The following MORC1 variants were observed in gnomAD, a reference collection of about 807,000 sequenced individuals.
MORC1 encodes MORC family CW-type zinc finger protein 1.
A neutral mutation model predicts 134.9 loss-of-function variants in MORC1; 59 were observed. The observed-to-expected ratio is 0.44, with a 90% CI of 0.35 to 0.54. The LOEUF is 0.54. Among genes scored for constraint, MORC1 ranks in the 20% least tolerant of loss-of-function variants. The pLI, the probability that MORC1 is intolerant of heterozygous loss-of-function variation, is 0.00. For missense variants in MORC1, 947 were observed against 1,134.5 expected (o/e 0.83, Z 2.37); for synonymous variants, 395 against 391.7 (o/e 1.01, Z -0.10).
At chr3:109,057,546 G>A in intron 12 of MORC1, 60 bp from the exon 13 acceptor site, 1 of 1,409,684 alleles carries the variant, frequency 7.1e-7, no homozygotes, top group East Asian at 2.5e-5. Context: ...CACAGTTTAG[G>A]AAACTGCTAA....
Position 108,959,171 on chromosome 3 carries a change from T to A in MORC1, c.2800-51A>T, listed in dbSNP as rs768395791. Reference sequence around the variant, plus strand: ...CCAGGGAAAGAAGCTGCAGAGCTTATTCCTGTAATTTGGGCAGCCTCCTAA... The same window carrying A: ...CCAGGGAAAGAAGCTGCAGAGCTTAATCCTGTAATTTGGGCAGCCTCCTAA... On this transcript the variant is annotated intron_variant, in intron 27 of 27. Coordinates refer to ENST00000232603, the MANE Select transcript of MORC1 (RefSeq NM_014429.4). 1.5e-5 allele frequency: 22 copies of A among 1,479,136 alleles called. No individual in the cohort carries two copies. The Middle Eastern group carries it at 6.6e-4, about 44-fold the overall frequency. 91.6% of individuals were successfully genotyped at this position (1,479,136 alleles called of 1,614,324 possible).
At chr3:109,048,755 C>T (rs1478764804) in intron 14 of MORC1, among the ~76,000 whole-genome samples, 1 of 152,052 alleles carries the variant, frequency 6.6e-6, no homozygotes, top group Non-Finnish European at 1.5e-5. Context: ...TGCACCTATC[C>T]CTGGTATGTC....
At chr3:109,011,043 T>A (rs1340735634) in intron 17 of MORC1, among the ~76,000 whole-genome samples, 6 of 152,206 alleles carry the variant, frequency 3.9e-5, no homozygotes, top group Admixed American at 6.5e-5. Flanking sequence ...GGTCATATGA[T>A]AGGTATATCT....
intron 16 of MORC1, among the ~76,000 whole-genome samples, chr3:109,028,329 C>G (rs981134097): frequency 6.6e-6 from 1 of 152,110 alleles, no homozygotes; most frequent in Non-Finnish European, 1.5e-5. Flanking sequence ...TTTAATAACC[C>G]CAGGATCACT....
chr3:109,096,199 GAA>G (rs1271168837), intron 6 of MORC1, among the ~76,000 whole-genome samples: 1 of 152,116 alleles, frequency 6.6e-6, no homozygotes, highest in South Asian at 2.1e-4. Context: ...TATGATTACA[GAA>G]AAAAATTCAG....
chr3:109,064,288 T>C (rs1004394785), intron 9 of MORC1, among the ~76,000 whole-genome samples: 4 of 152,134 alleles, frequency 2.6e-5, no homozygotes, highest in African/African-American at 7.2e-5. Flanking sequence ...GTTATTTGAT[T>C]TTTCCCCCAT....
chr3:108,979,605 A>T lies in MORC1; in HGVS notation c.2387T>A (p.Val796Glu). Residue 796 changes from valine to glutamate, a missense_variant, in exon 24 of 28, where the codon GTG (valine) becomes GAG (glutamate). Coordinates refer to ENST00000232603, the MANE Select transcript of MORC1 (RefSeq NM_014429.4). Reference protein sequence around the residue: ...LSSGHIARVSVSGSCKVASSP... With the variant: ...LSSGHIARVSESGSCKVASSP... The stretch of plus-strand genomic sequence containing the variant: ...AGAAGCAACTTTACAACTGCCACTC[A>T]CAGAAACTCTGGCTATGTGTCCAGA... 1.9e-6 allele frequency: 3 copies of T among 1,614,190 alleles called. No individual in the cohort carries two copies. The highest frequency in any genetic ancestry group is 2.5e-6 in the Non-Finnish European group (3 of 1,180,012).
At chr3:108,977,565 G>A (rs569962592) in intron 24 of MORC1, among the ~76,000 whole-genome samples, 1 of 152,002 alleles carries the variant, frequency 6.6e-6, no homozygotes, top group Non-Finnish European at 1.5e-5. Flanking sequence ...AGTAATGTCC[G>A]AATAATTGAA....
intron 17 of MORC1, among the ~76,000 whole-genome samples, chr3:109,026,801 T>C (rs971315731): frequency 6.6e-6 from 1 of 152,256 alleles, no homozygotes; most frequent in East Asian, 1.9e-4. Flanking sequence ...TGGGGAGTGC[T>C]TAGGAGAATG....
chr3:109,080,974 A>G (rs1950509376), intron 8 of MORC1, among the ~76,000 whole-genome samples: 1 of 152,150 alleles, frequency 6.6e-6, no homozygotes, highest in Non-Finnish European at 1.5e-5. Flanking sequence ...TATTTCATAA[A>G]TATAGATTTA....
chr3:108,996,267 C>CACGT (rs1453350414), intron 21 of MORC1, among the ~76,000 whole-genome samples: 19 of 126,582 alleles, frequency 1.5e-4, no homozygotes, highest in Admixed American at 8.1e-5. Flanking sequence ...TGCACATGTG[C>CACGT]GCGTGCGTGC....
At position 109,075,246 on chromosome 3, in the gene MORC1, G is replaced by T. The variant is rs535204688; in HGVS notation, c.690-5489C>A. 2.6e-5 allele frequency among the ~76,000 whole-genome samples: 4 copies of T among 152,132 alleles called. No individual in the cohort carries two copies. The East Asian group carries it at 7.7e-4, about 29-fold the overall frequency. ...AGACATTTACAGAATCAGGCTAGTA[G>T]ACTAAGAATACATATTATTCTCCTG... On this transcript the variant is annotated intron_variant, in intron 8 of 27. Transcript: ENST00000232603.
intron 17 of MORC1, among the ~76,000 whole-genome samples, chr3:109,025,813 T>C (rs1389717075): frequency 1.3e-5 from 2 of 152,226 alleles, no homozygotes; most frequent in South Asian, 2.1e-4. Context: ...CATTTTTAAA[T>C]AGCTGTTAGA....
intron 17 of MORC1, among the ~76,000 whole-genome samples, chr3:109,020,548 C>T (rs1222574920): frequency 2.6e-5 from 4 of 151,984 alleles, no homozygotes; most frequent in East Asian, 3.9e-4. Flanking sequence ...GGGTGGATCA[C>T]GAGGTCAGGA....
intron 2 of MORC1, among the ~76,000 whole-genome samples, chr3:109,111,710 C>T: frequency 6.6e-6 from 1 of 152,118 alleles, no homozygotes; most frequent in Middle Eastern, 3.2e-3. Flanking sequence ...TAAAAGGAAG[C>T]TCAGTGCAAC....
rs374215295 is a variant in MORC1 at position 109,100,465 on chromosome 3, C to T, written c.266G>A (p.Arg89Gln). The stretch of plus-strand genomic sequence containing the variant: ...CCCTATGAACTTCAAGGTTGACAGC[C>T]GTTTTTTGGATCGTCCAAAGTAAAT... ...DIIYFGRSKKRLSTLKFIGQY... is the reference protein window; with the variant it reads ...DIIYFGRSKKQLSTLKFIGQY... The change falls in exon 5 of 28, where the codon CGG (arginine) becomes CAG (glutamine). Residue 89 changes from arginine (R) to glutamine (Q), a missense_variant. By Grantham distance (43) the Arg-to-Gln change is conservative. This residue lies in a region of MORC1 where 214 missense variants were observed against 281.3 expected (regional missense o/e 0.76). Coordinates refer to ENST00000232603, the MANE Select transcript of MORC1 (RefSeq NM_014429.4). 16 of 1,613,582 alleles carry T rather than the reference C, an allele frequency of 9.9e-6. No homozygotes were observed. Among genetic ancestry groups the T allele is most frequent in the East Asian group, 2.2e-5 (1 of 44,882 alleles).
chr3:108,967,261 T>C (rs1381597384), intron 26 of MORC1, among the ~76,000 whole-genome samples: 1 of 152,184 alleles, frequency 6.6e-6, no homozygotes, highest in Non-Finnish European at 1.5e-5. Context: ...GTGTAGACAT[T>C]GGAAAAAATA....
intron 8 of MORC1, among the ~76,000 whole-genome samples, chr3:109,081,453 CTTTTTT>C (rs34049870): frequency 1.8e-5 from 2 of 108,180 alleles, no homozygotes; most frequent in Non-Finnish European, 3.9e-5. Context: ...AAGAATTAAA[CTTTTTT>C]TTTTTTTTTT....
intron 5 of MORC1, 83 bp downstream of exon 5, chr3:109,100,334 C>T: frequency 9.4e-7 from 1 of 1,065,940 alleles, no homozygotes; most frequent in Admixed American, 1.7e-5. Flanking sequence ...GCTTTACATG[C>T]CTGCATCATT....
Sources: gnomAD v4.1 joint callset for allele counts (sites outside exome capture counted in the v4.1 genomes callset) on GRCh38, gnomAD v4.1.1 for gene constraint, gnomAD v4.1.1 regional missense constraint, MANE v1.5 for transcripts, NCBI Gene and HGNC (gene_info 2026-07-23, HGNC 2026-07-21) for gene names.